The following GSG1 variants were observed in gnomAD, a reference collection of about 807,000 sequenced individuals.
GSG1 encodes the protein germ cell-specific gene 1 protein.
In GSG1, 28 loss-of-function variants were observed where a neutral mutation model predicts 30.8. The observed-to-expected ratio is 0.91, with a 90% CI of 0.67 to 1.25. GSG1 has a LOEUF of 1.25. Among genes scored for constraint, GSG1 ranks in the 50% most tolerant of loss-of-function variants. The pLI, the probability that GSG1 is intolerant of heterozygous loss-of-function variation, is 0.00. For missense variants in GSG1, 435 were observed against 444.7 expected (o/e 0.98, Z 0.20); for synonymous variants, 162 against 178.0 (o/e 0.91, Z 0.71).
chr12:13,092,484 G>A (rs200158411), intron 1 of GSG1, among the ~76,000 whole-genome samples: 82 of 152,310 alleles, frequency 5.4e-4, no homozygotes, highest in African/African-American at 1.9e-3. Flanking sequence ...ACTGCTTCAG[G>A]GAGGTCCCCT....
chr12:13,102,569 G>A (rs1189769788), intron 1 of GSG1, among the ~76,000 whole-genome samples: 3 of 152,212 alleles, frequency 2.0e-5, no homozygotes, highest in Non-Finnish European at 4.4e-5. Flanking sequence ...CACCAGCTCA[G>A]CTCTGCAGTC....
chr12:13,087,844 T>C (rs535884054), intron 5 of GSG1, 63 bp downstream of exon 5: 1,594 of 1,556,050 alleles, frequency 1.0e-3, no homozygotes, highest in Non-Finnish European at 1.3e-3. Flanking sequence ...ACTCAAGCCC[T>C]CCAGCTAGGG....
rs570562453 is a variant in GSG1 at position 13,084,892 on chromosome 12, G to T, written c.*9C>A. On this transcript the variant is annotated 3_prime_UTR_variant, in exon 7 of 7. Coordinates refer to ENST00000651961, the MANE Select transcript of GSG1 (RefSeq NM_001080555.4). The stretch of plus-strand genomic sequence containing the variant: ...GGGCTCAAGCCTACTCCCCAAACCC[G>T]CTTAACTCCTAACACTGCTCTTCCT... 5.9e-6 allele frequency: 9 copies of T among 1,529,162 alleles called. No homozygotes were observed. The highest frequency in any genetic ancestry group is 8.0e-6 in the Non-Finnish European group (9 of 1,131,820). The allele number at this position is 1,529,162 out of a possible 1,614,324, so 94.7% of individuals were successfully genotyped here.
At chr12:13,089,149 G>T in intron 3 of GSG1, 59 bp downstream of exon 3, 2 of 1,496,650 alleles carry the variant, frequency 1.3e-6, no homozygotes, top group Non-Finnish European at 1.8e-6. Flanking sequence ...CACCTACATA[G>T]CTTAGTGTTC....
chr12:13,095,488 A>G, intron 1 of GSG1: 2 of 1,056,726 alleles, frequency 1.9e-6, no homozygotes, highest in Admixed American at 1.7e-5. Flanking sequence ...CAGAATTAGC[A>G]TAGGCTAGGA....
chr12:13,090,844 G>A, intron 1 of GSG1, 26 bp from the exon 2 acceptor site: 1 of 1,581,784 alleles, frequency 6.3e-7, no homozygotes, highest in Non-Finnish European at 8.6e-7. Context: ...ACAAGTGGAA[G>A]GGAAGGGAGC....
At chr12:13,090,435 T>G (rs1865971825) in intron 2 of GSG1, 68 bp downstream of exon 2, 2 of 1,466,212 alleles carry the variant, frequency 1.4e-6, no homozygotes, top group Middle Eastern at 2.0e-4. Context: ...CTACCTGATT[T>G]CCATGCCTGC....
intron 5 of GSG1, among the ~76,000 whole-genome samples, chr12:13,087,581 A>G (rs949949920): frequency 6.6e-6 from 1 of 152,192 alleles, no homozygotes; most frequent in African/African-American, 2.4e-5. Context: ...TCTTCATCTT[A>G]TATGTGCATC....
At chr12:13,086,792 C>T (rs73068972) in intron 6 of GSG1, among the ~76,000 whole-genome samples, 1 of 151,958 alleles carries the variant, frequency 6.6e-6, no homozygotes, top group African/African-American at 2.4e-5. Flanking sequence ...TTCTCTAATA[C>T]CTTGAATCAT....
At chr12:13,103,433 T>C in intron 1 of GSG1, 32 bp downstream of exon 1, 2 of 1,496,338 alleles carry the variant, frequency 1.3e-6, no homozygotes, top group Non-Finnish European at 9.3e-7. Flanking sequence ...GTGTATGAGA[T>C]GTTCATGAGA....
intron 2 of GSG1, among the ~76,000 whole-genome samples, chr12:13,089,600 A>C (rs985804570): frequency 6.6e-6 from 1 of 152,172 alleles, no homozygotes; most frequent in Non-Finnish European, 1.5e-5. Context: ...GCTCTCTTAC[A>C]TGATCAGTTA....
At chr12:13,095,747 T>C (rs1866614072) in intron 1 of GSG1, 1 of 1,545,526 alleles carries the variant, frequency 6.5e-7, no homozygotes, top group South Asian at 1.2e-5. Flanking sequence ...CTATCTCATA[T>C]TCTTTGGAGT....
rs1555128123 is a variant in GSG1, at chr12:13,099,759, T to TTTGTTTG, written c.48+3705_48+3706insCAAACAA. On this transcript the variant is annotated intron_variant, in intron 1 of 6. Coordinates refer to ENST00000651961, the MANE Select transcript of GSG1 (RefSeq NM_001080555.4). ...TCCGGTGTTTTTTTTTGTTTTTTTT[T>TTTGTTTG]TTTTTTTTTGTTTTTTCTTCATGTC... Among the ~76,000 whole-genome samples the TTTGTTTG allele has an allele frequency of 1.7e-3, 253 of 144,798 alleles. 1 individual carries two copies. The highest frequency in any genetic ancestry group is 5.6e-3 in the African/African-American group (221 of 39,306). The allele number at this position is 144,798 out of a possible 152,430, so 95.0% of individuals were successfully genotyped here. A position where few individuals can be genotyped will look rare whatever the true frequency, so the allele number is the denominator to read the frequency against.
chr12:13,100,322 C>T (rs1314602783), intron 1 of GSG1, among the ~76,000 whole-genome samples: 1 of 152,164 alleles, frequency 6.6e-6, no homozygotes, highest in African/African-American at 2.4e-5. Flanking sequence ...CAAAGGAAGC[C>T]CTGGGTCCAC....
intron 3 of GSG1, 91 bp downstream of exon 3, chr12:13,089,117 G>T: frequency 7.3e-7 from 1 of 1,364,014 alleles, no homozygotes; most frequent in Non-Finnish European, 1.0e-6. Flanking sequence ...CTCTGATAAT[G>T]CAGAAGATGT....
rs1188686405 is a variant in GSG1 at position 13,101,215 on chromosome 12, G to A, written c.48+2250C>T. 2.0e-5 allele frequency among the ~76,000 whole-genome samples: 3 copies of A among 152,242 alleles called. No homozygotes were observed. Among genetic ancestry groups the A allele is most frequent in the Non-Finnish European group, 4.4e-5 (3 of 67,992 alleles). On this transcript the variant is annotated intron_variant, in intron 1 of 6. Transcript: ENST00000651961. The surrounding 1 kb of genome is among the most constrained non-coding windows in gnomAD (Gnocchi z 5.8). ...GGCGTAACGGGTGGGGCCTCTCGGG[G>A]GTGCCTGGGCCGCGCCATCTCCACT...
intron 1 of GSG1, among the ~76,000 whole-genome samples, chr12:13,092,434 A>C (rs1341210690): frequency 1.3e-5 from 2 of 152,154 alleles, no homozygotes; most frequent in East Asian, 3.9e-4. Flanking sequence ...GGCCCTGTCT[A>C]CTGAAGTCCT....
intron 1 of GSG1, among the ~76,000 whole-genome samples, chr12:13,099,740 GTTTTTTTTTGTT>G (rs1467151663): frequency 1.0e-5 from 1 of 95,830 alleles, no homozygotes; most frequent in South Asian, 3.4e-4. Context: ...GGGATCCGGT[GTTTTTTTTTGTT>G]TTTTTTTTTT....
intron 1 of GSG1, among the ~76,000 whole-genome samples, chr12:13,098,021 C>A (rs941895439): frequency 2.6e-5 from 4 of 152,174 alleles, no homozygotes; most frequent in Non-Finnish European, 5.9e-5. Context: ...TGTTAACAAG[C>A]AAATTTGATA....
Sources: gnomAD v4.1 joint callset for allele counts (sites outside exome capture counted in the v4.1 genomes callset) on GRCh38, gnomAD v4.1.1 for gene constraint, Gnocchi (gnomAD v3.1) non-coding constraint, MANE v1.5 for transcripts, NCBI Gene and HGNC (gene_info 2026-07-23, HGNC 2026-07-21) for gene names.